Variants in MAGI1 observed in about 807,000 individuals in gnomAD.
The protein encoded by MAGI1 is membrane associated guanylate kinase, WW and PDZ domain containing 1, also known as membrane-associated guanylate kinase, WW and PDZ domain-containing protein 1.
A neutral mutation model predicts 139.9 loss-of-function variants in MAGI1; 58 were observed. The observed-to-expected ratio is 0.41, with a 90% CI of 0.34 to 0.52. MAGI1 has a LOEUF of 0.52. MAGI1 is among the 20% of genes least tolerant of loss of function. The probability of loss-of-function intolerance (pLI) is 0.12; values close to 1 mark genes in which losing one functional copy is unlikely to be tolerated. For missense variants in MAGI1, 1,874 were observed against 1,901.6 expected, an observed-to-expected ratio of 0.99 and a Z score of 0.27; for synonymous variants, 812 against 737.9, an observed-to-expected ratio of 1.10 and a Z score of -1.63.
intron 1 of MAGI1, among the ~76,000 whole-genome samples, chr3:65,752,102 C>A (rs1294611053): frequency 6.6e-6 from 1 of 152,128 alleles, no homozygotes; most frequent in Non-Finnish European, 1.5e-5. Context: ...ACTCACAAGG[C>A]CTGGCTAAAT....
chr3:65,478,266 A>T (rs1268568331), intron 4 of MAGI1, among the ~76,000 whole-genome samples: 1 of 152,164 alleles, frequency 6.6e-6, no homozygotes, highest in African/African-American at 2.4e-5. Flanking sequence ...CCCAAAAAAA[A>T]TCAATGAACA....
intron 7 of MAGI1, among the ~76,000 whole-genome samples, chr3:65,447,243 A>T (rs1295018802): frequency 6.6e-6 from 1 of 152,240 alleles, no homozygotes; most frequent in African/African-American, 2.4e-5. Context: ...CGGAATGCAA[A>T]CTAATTTTAA....
At chr3:66,007,169 A>G (rs549580317) in intron 1 of MAGI1, among the ~76,000 whole-genome samples, 196 of 152,032 alleles carry the variant, frequency 1.3e-3, no homozygotes, top group Non-Finnish European at 2.2e-3. Flanking sequence ...CGTAAAGTCT[A>G]TTAAGCTTGA....
chr3:65,997,974 CA>C (rs1253025675), intron 1 of MAGI1, among the ~76,000 whole-genome samples: 1 of 151,444 alleles, frequency 6.6e-6, no homozygotes, highest in Non-Finnish European at 1.5e-5. Flanking sequence ...GCCTGACCAA[CA>C]GGGGGAAACC....
chr3:65,464,087 G>A (rs1457046711), intron 5 of MAGI1, among the ~76,000 whole-genome samples: 2 of 152,078 alleles, frequency 1.3e-5, no homozygotes, highest in Non-Finnish European at 2.9e-5. Context: ...AGGGTCCATA[G>A]TGACTCCTTA....
intron 2 of MAGI1, among the ~76,000 whole-genome samples, chr3:65,548,341 G>T (rs539398852): frequency 9.9e-5 from 15 of 152,072 alleles, no homozygotes; most frequent in Admixed American, 2.6e-4. Flanking sequence ...CACACAGCTC[G>T]CAAGAAGGCC....
chr3:65,991,306 G>GAA (rs2066160682), intron 1 of MAGI1, among the ~76,000 whole-genome samples: 1 of 93,500 alleles, frequency 1.1e-5, no homozygotes, highest in African/African-American at 5.0e-5. Flanking sequence ...AAAAAAAAAG[G>GAA]TAAAAAAAAA....
chr3:65,486,506 G>A (rs547825146), intron 3 of MAGI1, among the ~76,000 whole-genome samples: 1 of 152,290 alleles, frequency 6.6e-6, no homozygotes, highest in South Asian at 2.1e-4. Flanking sequence ...CAAGGGAAAA[G>A]GGAAATGGTT....
intron 1 of MAGI1, among the ~76,000 whole-genome samples, chr3:65,842,447 G>A (rs888702751): frequency 3.3e-5 from 5 of 150,330 alleles, no homozygotes; most frequent in Admixed American, 1.3e-4. Context: ...CACAACCTCC[G>A]CCTCCCAGGT....
At chr3:65,776,353 AG>A (rs1371996615) in intron 1 of MAGI1, among the ~76,000 whole-genome samples, 2 of 152,144 alleles carry the variant, frequency 1.3e-5, no homozygotes, top group East Asian at 3.9e-4. Context: ...GTCAAAAAAA[AG>A]TGATTAGGTA....
chr3:65,360,080 T>C (rs777066758), intron 22 of MAGI1: 56 of 985,216 alleles, frequency 5.7e-5, no homozygotes, highest in Non-Finnish European at 6.7e-5. Context: ...CCCCTCGTAT[T>C]TTGCACCTGT....
At chr3:65,573,820 G>C (rs1006686874) in intron 2 of MAGI1, among the ~76,000 whole-genome samples, 1 of 152,108 alleles carries the variant, frequency 6.6e-6, no homozygotes, top group African/African-American at 2.4e-5. Flanking sequence ...AGATGGCATG[G>C]TTAGCTGTGT....
chr3:65,721,280 C>T (rs988312077), intron 1 of MAGI1, among the ~76,000 whole-genome samples: 4 of 152,222 alleles, frequency 2.6e-5, no homozygotes, highest in Non-Finnish European at 2.9e-5. Flanking sequence ...GATCCCCACA[C>T]TCCACTAGGC....
At chr3:65,631,741 CG>C (rs1559738008) in intron 1 of MAGI1, among the ~76,000 whole-genome samples, 2 of 152,052 alleles carry the variant, frequency 1.3e-5, no homozygotes, top group African/African-American at 4.8e-5. Flanking sequence ...TGGCCAGATG[CG>C]GTGGCTCATG....
chr3:65,895,245 G>T (rs1167590053), intron 1 of MAGI1, among the ~76,000 whole-genome samples: 2 of 152,182 alleles, frequency 1.3e-5, no homozygotes, highest in Non-Finnish European at 2.9e-5. Context: ...GTCAGCACTT[G>T]TTCCCTAGAC....
At chr3:65,696,265 C>T (rs2089178066) in intron 1 of MAGI1, among the ~76,000 whole-genome samples, 1 of 152,152 alleles carries the variant, frequency 6.6e-6, no homozygotes, top group African/African-American at 2.4e-5. Flanking sequence ...CCCTCTGTCT[C>T]CATCACTTTC....
At chr3:65,463,862 T>TA (rs1156725286) in intron 5 of MAGI1, among the ~76,000 whole-genome samples, 24 of 152,208 alleles carry the variant, frequency 1.6e-4, no homozygotes, top group Non-Finnish European at 2.2e-4. Context: ...TGGGTGGGTG[T>TA]ATGTGTCCAG....
intron 1 of MAGI1, among the ~76,000 whole-genome samples, chr3:65,713,532 T>A (rs1172197155): frequency 6.6e-6 from 1 of 152,130 alleles, no homozygotes; most frequent in East Asian, 1.9e-4. Flanking sequence ...CTAAAACAAG[T>A]CAGACAGAAG....
intron 1 of MAGI1, among the ~76,000 whole-genome samples, chr3:65,912,743 G>C (rs1457562113): frequency 1.3e-5 from 2 of 152,112 alleles, no homozygotes; most frequent in African/African-American, 4.8e-5. Flanking sequence ...AAGAAAGCAT[G>C]AACATGGAAA....
Sources: gnomAD v4.1 joint callset for allele counts (sites outside exome capture counted in the v4.1 genomes callset) on GRCh38, gnomAD v4.1.1 for gene constraint, MANE v1.5 for transcripts, NCBI Gene and HGNC (gene_info 2026-07-23, HGNC 2026-07-21) for gene names.